The following RBFOX1 variants were observed in gnomAD, a reference collection of about 807,000 sequenced individuals.
RBFOX1 encodes RNA binding protein fox-1 homolog 1.
A neutral mutation model predicts 57.7 loss-of-function variants in RBFOX1; 8 were observed. The observed-to-expected ratio is 0.14, with a 90% confidence interval of 0.08 to 0.25. RBFOX1 has a LOEUF of 0.25. Among genes scored for constraint, RBFOX1 ranks in the 10% least tolerant of loss-of-function variants. The pLI, the probability that RBFOX1 is intolerant of heterozygous loss-of-function variation, is 1.00. For missense variants in RBFOX1, 611 were observed against 548.5 expected, an observed-to-expected ratio of 1.11 and a Z score of -1.14; for synonymous variants, 326 against 222.4, an observed-to-expected ratio of 1.47 and a Z score of -4.15.
At position 5,776,087 on chromosome 16, in the gene RBFOX1, A is replaced by G. The variant is rs534701604; in HGVS notation, c.319-91216A>G. 4.6e-5 allele frequency among the ~76,000 whole-genome samples: 7 copies of G among 152,348 alleles called. No individual in the cohort carries two copies. In the South Asian group the frequency reaches 1.2e-3, roughly 27 times the overall value. ...TTCCCCTTTCATTTTAATTAACATT[A>G]TGTCTACATTTCTGGGATAATGGAT... On this transcript the variant is annotated intron_variant, in intron 3 of 19. Transcript: ENST00000641259.
At chr16:5,963,618 A>G (rs897296078) in intron 4 of RBFOX1, among the ~76,000 whole-genome samples, 3 of 152,200 alleles carry the variant, frequency 2.0e-5, no homozygotes, top group Admixed American at 2.0e-4. Context: ...TCTATAATCA[A>G]CTGACCTTCA....
chr16:5,712,136 C>T (rs747261519), intron 3 of RBFOX1, among the ~76,000 whole-genome samples: 8 of 152,176 alleles, frequency 5.3e-5, no homozygotes, highest in Non-Finnish European at 1.0e-4. Context: ...AGAGCTCACT[C>T]TCTATCATGA....
rs1259188414 is a variant in RBFOX1, at chr16:5,946,748, G to A, written c.351+79413G>A. Reference sequence around the variant, plus strand: ...AGTGGGGCCAGTCTTGTGGGACTGGGCCCTCAACCTGTGGAATCTGATTCT... The same window carrying A: ...AGTGGGGCCAGTCTTGTGGGACTGGACCCTCAACCTGTGGAATCTGATTCT... On this transcript the variant is annotated intron_variant, in intron 4 of 19. Transcript: ENST00000641259. The surrounding 1 kb of genome is among the most constrained non-coding windows in gnomAD (Gnocchi z 4.6). 6.6e-6 allele frequency among the ~76,000 whole-genome samples: 1 copy of A among 152,146 alleles called. No homozygotes were observed. The highest frequency in any genetic ancestry group is 1.5e-5 in the Non-Finnish European group (1 of 68,028).
At chr16:6,352,047 G>C (rs2086500364) in intron 2 of RBFOX1, among the ~76,000 whole-genome samples, 1 of 152,150 alleles carries the variant, frequency 6.6e-6, no homozygotes, top group African/African-American at 2.4e-5. Context: ...CTGTTGGGCA[G>C]GGAGAGACAT....
intron 1 of RBFOX1, among the ~76,000 whole-genome samples, chr16:5,442,318 GGA>G (rs377143528): frequency 1.1e-3 from 167 of 152,352 alleles, no homozygotes; most frequent in African/African-American, 3.7e-3. Flanking sequence ...AGCTGCAGAG[GGA>G]GCCAGGGCCA....
Position 7,266,467 on chromosome 16 carries a change from A to G in RBFOX1, c.27+214369A>G, listed in dbSNP as rs530687613. Among the ~76,000 whole-genome samples, 6 of 152,336 alleles carry G rather than the reference A, an allele frequency of 3.9e-5. No homozygotes were observed. In the East Asian group the frequency reaches 5.8e-4, roughly 15 times the overall value. ...ATAAAGCCAGTGGAACTGTGAGTCA[A>G]TTAAACCTCTTTTGTTTATAAATTA... is the stretch of plus-strand genomic sequence containing the variant. On this transcript the variant is annotated intron_variant, in intron 4 of 15. Coordinates refer to ENST00000550418, the MANE Select transcript of RBFOX1 (RefSeq NM_018723.4).
chr16:7,443,627 G>C (rs2098786575), intron 4 of RBFOX1, among the ~76,000 whole-genome samples: 2 of 152,194 alleles, frequency 1.3e-5, no homozygotes, highest in South Asian at 4.2e-4. Flanking sequence ...ATGTAATAAT[G>C]TAAAAAAGTG....
At chr16:6,080,472 A>C (rs1265592914) in intron 1 of RBFOX1, among the ~76,000 whole-genome samples, 3 of 152,172 alleles carry the variant, frequency 2.0e-5, no homozygotes, top group Non-Finnish European at 4.4e-5. Flanking sequence ...CCAGCAAAAC[A>C]GGTGTGATCC....
intron 3 of RBFOX1, among the ~76,000 whole-genome samples, chr16:5,778,081 A>G (rs2054203537): frequency 6.6e-6 from 1 of 152,130 alleles, no homozygotes; most frequent in Non-Finnish European, 1.5e-5. Context: ...GCTGGTTCCA[A>G]GGTGGATCCT....
At chr16:7,365,405 C>T in intron 4 of RBFOX1, among the ~76,000 whole-genome samples, 1 of 152,088 alleles carries the variant, frequency 6.6e-6, no homozygotes, top group East Asian at 1.9e-4. Flanking sequence ...CCAGGCAGGA[C>T]AAAAGAACCT....
At chr16:7,517,864 C>T (rs543738733) in intron 4 of RBFOX1, among the ~76,000 whole-genome samples, 2 of 151,748 alleles carry the variant, frequency 1.3e-5, no homozygotes, top group Non-Finnish European at 2.9e-5. Context: ...CACAGACCCT[C>T]ATGTCTTTGA....
chr16:6,510,388 G>A (rs1833001413), intron 2 of RBFOX1, among the ~76,000 whole-genome samples: 1 of 152,100 alleles, frequency 6.6e-6, no homozygotes, highest in Non-Finnish European at 1.5e-5. Flanking sequence ...GTTTCCCGAT[G>A]CCGTTCTGCT....
chr16:7,389,351 C>T (rs1315402435), intron 4 of RBFOX1, among the ~76,000 whole-genome samples: 2 of 152,234 alleles, frequency 1.3e-5, no homozygotes, highest in South Asian at 2.1e-4. Context: ...GTCTTAAACC[C>T]CTGGGCTCAG....
At chr16:6,812,079 A>T (rs975020742) in intron 3 of RBFOX1, among the ~76,000 whole-genome samples, 1 of 152,100 alleles carries the variant, frequency 6.6e-6, no homozygotes, top group Non-Finnish European at 1.5e-5. Context: ...AAGTTGTATT[A>T]TCAGACTCCA....
intron 1 of RBFOX1, among the ~76,000 whole-genome samples, chr16:6,078,965 G>T (rs1418922126): frequency 6.6e-6 from 1 of 152,150 alleles, no homozygotes; most frequent in African/African-American, 2.4e-5. Context: ...TCCACAGATA[G>T]CCTTTATTAT....
At chr16:7,267,268 C>T (rs1402733290) in intron 4 of RBFOX1, among the ~76,000 whole-genome samples, 1 of 151,614 alleles carries the variant, frequency 6.6e-6, no homozygotes, top group Admixed American at 6.6e-5. Context: ...GGCACGGTGG[C>T]TCATGCCTGT....
chr16:6,457,443 C>CCCA (rs1555484702), intron 2 of RBFOX1, among the ~76,000 whole-genome samples: 2 of 75,100 alleles, frequency 2.7e-5, no homozygotes, highest in African/African-American at 1.0e-4. Context: ...GGAAGTCCCC[C>CCCA]CCCCCGCAAT....
At chr16:6,919,818 C>G (rs72772246) in intron 3 of RBFOX1, among the ~76,000 whole-genome samples, 33,903 of 134,468 alleles carry the variant, frequency 0.25, 4,186 homozygotes, top group Middle Eastern at 0.32. Context: ...TCTGGGAGAA[C>G]AAGTGGTTTT....
chr16:7,405,293 G>C (rs1268194249), intron 4 of RBFOX1, among the ~76,000 whole-genome samples: 1 of 152,204 alleles, frequency 6.6e-6, no homozygotes, highest in Admixed American at 6.5e-5. Flanking sequence ...GGCCTCTCCT[G>C]GTAGCCCCCC....
Sources: allele counts gnomAD v4.1 joint callset (sites outside exome capture counted in the v4.1 genomes callset), GRCh38; gene constraint gnomAD v4.1.1; non-coding constraint Gnocchi (gnomAD v3.1); transcripts MANE v1.5; gene names NCBI Gene and HGNC (gene_info 2026-07-23, HGNC 2026-07-21).